The following PPP6C variants were observed in gnomAD, a reference collection of about 807,000 sequenced individuals.
PPP6C encodes the protein protein phosphatase 6 catalytic subunit, also known as serine/threonine-protein phosphatase 6 catalytic subunit.
A neutral mutation model predicts 39.8 loss-of-function variants in PPP6C; 11 were observed. The observed-to-expected ratio is 0.28, with a 90% CI of 0.17 to 0.46. The LOEUF is 0.46. Ranked by LOEUF, PPP6C falls within the 20% of genes least tolerant of loss-of-function variation. The pLI, the probability that PPP6C is intolerant of heterozygous loss-of-function variation, is 1.00. For missense variants in PPP6C, 211 were observed against 373.9 expected (o/e 0.56, Z 3.59); for synonymous variants, 129 against 130.3 (o/e 0.99, Z 0.07).
At chr9:125,164,218 CTTTTTTT>C (rs10684647) in intron 2 of PPP6C, among the ~76,000 whole-genome samples, 1,036 of 74,666 alleles carry the variant, frequency 0.014, 8 homozygotes, top group Non-Finnish European at 0.02. Context: ...CCCTCACTCT[CTTTTTTT>C]TTTTTTTTTT....
chr9:125,154,076 A>G (rs1022810135), intron 4 of PPP6C, 91 bp from the exon 5 acceptor site: 57 of 984,426 alleles, frequency 5.8e-5, no homozygotes, highest in Non-Finnish European at 8.0e-5. Context: ...AGTACAACAG[A>G]AATTCAGCTT....
intron 2 of PPP6C, among the ~76,000 whole-genome samples, chr9:125,170,881 C>T (rs1202541522): frequency 6.6e-6 from 1 of 152,212 alleles, no homozygotes; most frequent in African/African-American, 2.4e-5. Context: ...TAATTATCAA[C>T]AAATTCCATC....
intron 2 of PPP6C, among the ~76,000 whole-genome samples, chr9:125,167,501 A>C (rs1169439737): frequency 6.7e-6 from 1 of 149,620 alleles, no homozygotes; most frequent in Non-Finnish European, 1.5e-5. Flanking sequence ...CAGGGGTTCA[A>C]GACCAGCCTC....
rs1422278382 is a variant in PPP6C, at chr9:125,147,100, A to C, written c.*2573T>G. On this transcript the variant is annotated 3_prime_UTR_variant, in exon 7 of 7. Coordinates refer to ENST00000373547, the MANE Select transcript of PPP6C (RefSeq NM_002721.5). ...GATGTACTGTTGATCCAGGTGTTTT[A>C]GGATCACACTCAAATGAATATAAAG... 2 of 152,210 alleles carry C rather than the reference A, an allele frequency of 1.3e-5. No homozygotes were observed. The highest frequency in any genetic ancestry group is 4.8e-5 in the African/African-American group (2 of 41,466). 9.4% of individuals were successfully genotyped at this position (152,210 alleles called of 1,614,324 possible).
At chr9:125,162,457 CAAAAAAAAAA>C (rs977223135) in intron 2 of PPP6C, among the ~76,000 whole-genome samples, 78 of 70,964 alleles carry the variant, frequency 1.1e-3, no homozygotes, top group Admixed American at 1.4e-3. Context: ...GATTCTGTCT[CAAAAAAAAAA>C]AAAAAAAAAA....
intron 6 of PPP6C, 39 bp downstream of exon 6, chr9:125,153,494 G>T (rs748811846): frequency 1.3e-6 from 2 of 1,577,506 alleles, no homozygotes; most frequent in Non-Finnish European, 1.7e-6. Flanking sequence ...CAGCCCATTA[G>T]CAATCCACAA....
intron 3 of PPP6C, among the ~76,000 whole-genome samples, chr9:125,159,702 T>C (rs1239491729): frequency 2.0e-5 from 3 of 152,106 alleles, no homozygotes; most frequent in East Asian, 1.9e-4. Flanking sequence ...ATTACACCAA[T>C]AGGAAAACAG....
intron 1 of PPP6C, among the ~76,000 whole-genome samples, chr9:125,184,809 C>T (rs1020667754): frequency 6.6e-6 from 1 of 151,552 alleles, no homozygotes; most frequent in African/African-American, 2.4e-5. Context: ...CCCATCTCTA[C>T]CAAAAAATAT....
intron 6 of PPP6C, among the ~76,000 whole-genome samples, chr9:125,152,067 T>C (rs1835960980): frequency 6.7e-6 from 1 of 150,076 alleles, no homozygotes; most frequent in African/African-American, 2.5e-5. Flanking sequence ...CTGAGCACCC[T>C]GTAAGGCAGG....
chr9:125,184,439 C>A (rs187684333), intron 1 of PPP6C, among the ~76,000 whole-genome samples: 14 of 151,968 alleles, frequency 9.2e-5, no homozygotes, highest in Admixed American at 2.0e-4. Context: ...CACCTGTACT[C>A]CCAGCTACTT....
At position 125,189,707 on chromosome 9, in the gene PPP6C, T is replaced by C. The variant is rs1829623598; in HGVS notation, c.12A>G (p.Leu4=). The C allele has an allele frequency of 6.3e-7, 1 of 1,593,624 alleles. No homozygotes were observed. Among genetic ancestry groups the C allele is most frequent in the Non-Finnish European group, 8.5e-7 (1 of 1,173,020 alleles). ...CTATTTCCACATACTTGTCCAGGTC[T>C]AGCGGCGCCATTTTAAGAATAACAA... MAP[L]DLDKYVEIAR... Residue 4 remains leucine (L), a synonymous_variant, in exon 1 of 7, where the codon CTA becomes CTG. Coordinates refer to ENST00000373547, the MANE Select transcript of PPP6C (RefSeq NM_002721.5).
At chr9:125,161,417 T>TA (rs931793172) in intron 2 of PPP6C, among the ~76,000 whole-genome samples, 1 of 151,746 alleles carries the variant, frequency 6.6e-6, no homozygotes, top group Non-Finnish European at 1.5e-5. Context: ...AATGATCAGT[T>TA]AAAAAAAAAT....
At chr9:125,167,485 T>A (rs1021135172) in intron 2 of PPP6C, among the ~76,000 whole-genome samples, 1 of 139,296 alleles carries the variant, frequency 7.2e-6, no homozygotes, top group Non-Finnish European at 1.5e-5. Context: ...GAGGATCACA[T>A]GAGGTCAGGG....
At chr9:125,179,533 T>C (rs1327551698) in intron 1 of PPP6C, among the ~76,000 whole-genome samples, 2 of 152,174 alleles carry the variant, frequency 1.3e-5, no homozygotes, top group Non-Finnish European at 2.9e-5. Flanking sequence ...CAGGTCTGGG[T>C]GGCTACCTAG....
Position 125,153,994 on chromosome 9 carries a change from G to T in PPP6C, c.380-9C>A. 6.3e-7 allele frequency: 1 copy of T among 1,578,780 alleles called. No individual in the cohort carries two copies. The highest frequency in any genetic ancestry group is 8.7e-7 in the Non-Finnish European group (1 of 1,149,418). ...TTTGGTTTGGCACTCATCTGTGAAA[G>T]AAACAGAAGGGTTTTAATTAATGAA... On this transcript the variant is annotated splice_polypyrimidine_tract_variant and intron_variant, in intron 4 of 6. Transcript: ENST00000373547.
intron 4 of PPP6C, among the ~76,000 whole-genome samples, chr9:125,154,366 A>G (rs538049303): frequency 6.6e-6 from 1 of 152,362 alleles, no homozygotes; most frequent in African/African-American, 2.4e-5. Context: ...ACTAAATATC[A>G]TAAGGAAATA....
chr9:125,155,377 A>AT (rs1328142829), intron 4 of PPP6C, among the ~76,000 whole-genome samples: 2 of 152,076 alleles, frequency 1.3e-5, no homozygotes, highest in East Asian at 3.8e-4. Context: ...AATCCCCAAG[A>AT]TTTTCTCAAT....
intron 1 of PPP6C, among the ~76,000 whole-genome samples, chr9:125,183,313 C>A (rs1412807173): frequency 6.6e-6 from 1 of 152,152 alleles, no homozygotes; most frequent in African/African-American, 2.4e-5. Flanking sequence ...AGCCTACTGT[C>A]ATTCTCCTTC....
intron 2 of PPP6C, among the ~76,000 whole-genome samples, chr9:125,163,816 T>C (rs879482580): frequency 2.6e-5 from 4 of 151,986 alleles, no homozygotes; most frequent in African/African-American, 4.8e-5. Context: ...CAGTGATACA[T>C]AGGTTCCCAT....
Sources: gnomAD v4.1 joint callset for allele counts (sites outside exome capture counted in the v4.1 genomes callset) on GRCh38, gnomAD v4.1.1 for gene constraint, MANE v1.5 for transcripts, NCBI Gene and HGNC (gene_info 2026-07-23, HGNC 2026-07-21) for gene names.